Variants in GSR observed in about 807,000 individuals in gnomAD.
GSR encodes the protein glutathione-disulfide reductase.
Under a neutral mutation model 56.5 loss-of-function variants are expected in GSR, and 48 were observed. That is an observed-to-expected ratio of 0.85 (90% CI 0.67 to 1.08). GSR has a LOEUF of 1.08. Among genes scored for constraint, GSR ranks in the 50% least tolerant of loss-of-function variants. The pLI is 0.00. For synonymous variants in GSR, 264 were observed against 270.8 expected (o/e 0.97, Z 0.25); for missense variants, 694 against 703.3 (o/e 0.99, Z 0.15).
chr8:30,687,410 C>T (rs997027175), intron 9 of GSR: 2 of 152,174 alleles, frequency 1.3e-5, no homozygotes, highest in African/African-American at 4.8e-5. Flanking sequence ...CTTTGAGAGG[C>T]CACGGTGGGT....
intron 1 of GSR, among the ~76,000 whole-genome samples, chr8:30,718,321 T>C (rs17557435): frequency 0.1 from 15,871 of 152,104 alleles, 907 homozygotes; most frequent in South Asian, 0.14. Context: ...GATAGGAGTT[T>C]GACTCTCAGC....
At chr8:30,689,987 T>C (rs928620212) in intron 8 of GSR, among the ~76,000 whole-genome samples, 2 of 124,214 alleles carry the variant, frequency 1.6e-5, no homozygotes, top group South Asian at 2.6e-4. Flanking sequence ...TAAATGTATA[T>C]ATATGTATAT....
intron 1 of GSR, 79 bp from the exon 2 acceptor site, chr8:30,712,167 A>G: frequency 1.3e-6 from 1 of 760,272 alleles, no homozygotes; most frequent in Admixed American, 2.0e-5. Flanking sequence ...AATGCACGCT[A>G]AGCATCAAGC....
intron 1 of GSR, among the ~76,000 whole-genome samples, chr8:30,713,652 C>T (rs908633500): frequency 6.6e-6 from 1 of 152,104 alleles, no homozygotes; most frequent in Non-Finnish European, 1.5e-5. Flanking sequence ...AGCCACCACG[C>T]CCAGACGAAA....
At chr8:30,698,864 T>TAC (rs1803633892) in intron 6 of GSR, among the ~76,000 whole-genome samples, 1 of 151,966 alleles carries the variant, frequency 6.6e-6, no homozygotes, top group African/African-American at 2.4e-5. Flanking sequence ...ATTGGGTCCC[T>TAC]CCACCTGTTT....
chr8:30,685,700 C>T (rs901006508), intron 9 of GSR, among the ~76,000 whole-genome samples: 5 of 152,030 alleles, frequency 3.3e-5, no homozygotes, highest in African/African-American at 7.2e-5. Context: ...ACTGGCCAGG[C>T]GCAGTGGTTC....
At chr8:30,711,885 T>A (rs908475837) in intron 2 of GSR, among the ~76,000 whole-genome samples, 177 bp downstream of exon 2, 1 of 151,672 alleles carries the variant, frequency 6.6e-6, no homozygotes, top group Middle Eastern at 3.4e-3. Flanking sequence ...AATAAAAAAA[T>A]TTAAAAAACA....
chr8:30,694,011 T>C (rs908388424), intron 7 of GSR, among the ~76,000 whole-genome samples: 3 of 152,198 alleles, frequency 2.0e-5, no homozygotes, highest in African/African-American at 7.2e-5. Flanking sequence ...CTTATCTATA[T>C]ATAAATTCAA....
At chr8:30,704,325 C>A (rs778287555) in intron 4 of GSR, among the ~76,000 whole-genome samples, 1 of 151,828 alleles carries the variant, frequency 6.6e-6, no homozygotes, top group Non-Finnish European at 1.5e-5. Context: ...GACCCTCTCT[C>A]AAAAAGACTG....
chr8:30,681,794 G>T, intron 11 of GSR, 136 bp downstream of exon 11: 1 of 799,144 alleles, frequency 1.3e-6, no homozygotes, highest in East Asian at 2.6e-5. Flanking sequence ...CTGGAACTGT[G>T]ACAAGAGAGT....
intron 12 of GSR, among the ~76,000 whole-genome samples, chr8:30,680,675 G>C (rs909688974): frequency 6.6e-6 from 1 of 152,070 alleles, no homozygotes; most frequent in African/African-American, 2.4e-5. Flanking sequence ...GATTACAGGT[G>C]TGAGCCACCA....
At chr8:30,708,902 T>C (rs1040687597) in intron 3 of GSR, among the ~76,000 whole-genome samples, 1 of 142,456 alleles carries the variant, frequency 7.0e-6, no homozygotes, top group Non-Finnish European at 1.5e-5. Flanking sequence ...GAGCGTGCAG[T>C]GAGCCGAGAT....
chr8:30,725,513 T>C (rs565660993), intron 1 of GSR, among the ~76,000 whole-genome samples: 50 of 151,780 alleles, frequency 3.3e-4, no homozygotes, highest in Middle Eastern at 3.4e-3. Context: ...TGAGCCGAGA[T>C]TGCACCACTG....
chr8:30,709,906 T>TTA lies in GSR; in HGVS notation c.334-5_334-4insTA, dbSNP rs1554573210. 8.7e-5 allele frequency: 87 copies of TTA among 1,000,246 alleles called. No individual in the cohort carries two copies. The African/African-American group carries it at 1.7e-3, about 19-fold the overall frequency. The allele number at this position is 1,000,246 out of a possible 1,614,324, so 62.0% of individuals were successfully genotyped here. A position where few individuals can be genotyped will look rare whatever the true frequency, so the allele number is the denominator to read the frequency against. On this transcript the variant is annotated splice_region_variant and splice_polypyrimidine_tract_variant and intron_variant, in intron 2 of 12. Transcript: ENST00000221130. ...GGACAGCTGTGTTCCACATTACCTG[T>TTA]AAAAAAAAAAAAAAAAAAGGATCCA...
intron 1 of GSR, among the ~76,000 whole-genome samples, chr8:30,719,521 G>A (rs1337014703): frequency 6.6e-6 from 1 of 152,110 alleles, no homozygotes; most frequent in Non-Finnish European, 1.5e-5. Context: ...AAAGTGCTGG[G>A]ATAACAGGCG....
intron 11 of GSR, 52 bp from the exon 12 acceptor site, chr8:30,681,089 G>A: frequency 1.4e-6 from 2 of 1,458,664 alleles, no homozygotes; most frequent in Non-Finnish European, 9.6e-7. Flanking sequence ...CAATTACACT[G>A]AACTATCAAA....
At chr8:30,717,726 T>A (rs1193122228) in intron 1 of GSR, among the ~76,000 whole-genome samples, 2 of 152,114 alleles carry the variant, frequency 1.3e-5, no homozygotes, top group Non-Finnish European at 2.9e-5. Context: ...CAGGGCTCCG[T>A]CGGAGTCTAG....
intron 1 of GSR, among the ~76,000 whole-genome samples, chr8:30,726,713 G>T (rs8190888): frequency 1.3e-5 from 2 of 152,144 alleles, no homozygotes; most frequent in African/African-American, 4.8e-5. Context: ...AGTGAGCTAT[G>T]ATGGCCACTG....
rs776090741 is a variant in GSR, at chr8:30,700,140, G to A, written c.641-5C>T. On this transcript the variant is annotated splice_region_variant and splice_polypyrimidine_tract_variant and intron_variant, in intron 5 of 12. Transcript: ENST00000221130. Reference sequence around the variant, plus strand: ...TGGTTATTCCTAAGCTGGCACCTATGTAGAAAAAGGCAACATAGATCACAC... The same window carrying A: ...TGGTTATTCCTAAGCTGGCACCTATATAGAAAAAGGCAACATAGATCACAC... 1.9e-6 allele frequency: 3 copies of A among 1,606,016 alleles called. No homozygotes were observed. Among genetic ancestry groups the A allele is most frequent in the Non-Finnish European group, 2.6e-6 (3 of 1,172,790 alleles).
Sources: allele counts gnomAD v4.1 joint callset (sites outside exome capture counted in the v4.1 genomes callset), GRCh38; gene constraint gnomAD v4.1.1; transcripts MANE v1.5; gene names NCBI Gene and HGNC (gene_info 2026-07-23, HGNC 2026-07-21).